GRM8: variants seen among roughly 807,000 people sequenced by gnomAD.
GRM8 encodes the protein metabotropic glutamate receptor 8.
In GRM8, 47 loss-of-function variants were observed where a neutral mutation model predicts 87.2. The observed-to-expected ratio is 0.54, with a 90% confidence interval of 0.43 to 0.69. GRM8 has a LOEUF of 0.69. GRM8 is among the 30% of genes least tolerant of loss of function. The pLI, the probability that GRM8 is intolerant of heterozygous loss-of-function variation, is 0.00. For synonymous variants in GRM8, 396 were observed against 404.5 expected (o/e 0.98, Z 0.25); for missense variants, 1,019 against 1,139.2 (o/e 0.89, Z 1.52).
chr7:126,663,136 T>C (rs1393454366), intron 7 of GRM8, among the ~76,000 whole-genome samples: 1 of 152,176 alleles, frequency 6.6e-6, no homozygotes, highest in Admixed American at 6.5e-5. Flanking sequence ...CAATATCAAG[T>C]TCCAAAGTTG....
intron 7 of GRM8, among the ~76,000 whole-genome samples, chr7:126,720,883 C>G (rs1812323252): frequency 6.6e-6 from 1 of 152,184 alleles, no homozygotes; most frequent in African/African-American, 2.4e-5. Context: ...TGGGGAGACT[C>G]AGAGCTTTCA....
chr7:126,579,129 T>C (rs1795377128), intron 8 of GRM8, among the ~76,000 whole-genome samples: 1 of 152,162 alleles, frequency 6.6e-6, no homozygotes. Flanking sequence ...ACACAAAAGT[T>C]AGAGAAAACA....
At chr7:126,617,154 A>G (rs979674637) in intron 7 of GRM8, among the ~76,000 whole-genome samples, 1 of 152,254 alleles carries the variant, frequency 6.6e-6, no homozygotes, top group African/African-American at 2.4e-5. Context: ...CAAATCCAGA[A>G]GCACATCAAA....
chr7:126,501,394 A>G (rs1809624032), intron 9 of GRM8, among the ~76,000 whole-genome samples: 3 of 152,024 alleles, frequency 2.0e-5, no homozygotes, highest in Admixed American at 6.6e-5. Context: ...TGTTCATCAC[A>G]TATCAGACTA....
chr7:126,664,551 G>C (rs1805555704), intron 7 of GRM8, among the ~76,000 whole-genome samples: 1 of 152,120 alleles, frequency 6.6e-6, no homozygotes, highest in Non-Finnish European at 1.5e-5. Context: ...ATATGGTCCT[G>C]GGATAACTGG....
At position 126,624,368 on chromosome 7, in the gene GRM8, C is replaced by T. The variant is rs552124196; in HGVS notation, c.1358-14870G>A. Among the ~76,000 whole-genome samples the T allele has an allele frequency of 3.3e-5, 5 of 152,212 alleles. No individual in the cohort carries two copies. In the South Asian group the frequency reaches 8.3e-4, roughly 25 times the overall value. On this transcript the variant is annotated intron_variant, in intron 7 of 10. Coordinates refer to ENST00000339582, the MANE Select transcript of GRM8 (RefSeq NM_000845.3). The stretch of plus-strand genomic sequence containing the variant: ...TGTTTTCTCTTCCCAGTGTTCTTCC[C>T]GACTTGATCTTCTGACTGGCTTCTT...
At position 126,805,274 on chromosome 7, in the gene GRM8, C is replaced by T. The variant is rs1792557867; in HGVS notation, c.1157-35209G>A. ...TCCCCCAAACCCATCACATAAGATG[C>T]CCCACCTCTGGTTAGCCTACCTTCA... On this transcript the variant is annotated intron_variant, in intron 6 of 10. Transcript: ENST00000339582. Among the ~76,000 whole-genome samples, 3 of 152,160 alleles carry T rather than the reference C, an allele frequency of 2.0e-5. No homozygotes were observed. In the South Asian group the frequency reaches 6.2e-4, roughly 32 times the overall value.
At chr7:127,189,642 T>C (rs1052063141) in intron 2 of GRM8, among the ~76,000 whole-genome samples, 2 of 151,530 alleles carry the variant, frequency 1.3e-5, no homozygotes, top group Non-Finnish European at 1.5e-5. Flanking sequence ...AAGGAAAAAA[T>C]AGAAACAAAG....
intron 9 of GRM8, among the ~76,000 whole-genome samples, chr7:126,459,401 A>C (rs897837045): frequency 8.8e-6 from 1 of 114,172 alleles, no homozygotes; most frequent in African/African-American, 3.4e-5. Context: ...CAAGGAAAAC[A>C]AGGAAAGTAT....
chr7:127,132,351 A>G (rs1827733652), intron 2 of GRM8, among the ~76,000 whole-genome samples: 1 of 152,140 alleles, frequency 6.6e-6, no homozygotes, highest in Admixed American at 6.5e-5. Flanking sequence ...AGTTACTTTT[A>G]TTGCATTTTG....
intron 6 of GRM8, among the ~76,000 whole-genome samples, chr7:126,881,135 T>G (rs2535932): frequency 6.6e-6 from 1 of 151,798 alleles, no homozygotes; most frequent in East Asian, 1.9e-4. Context: ...GAAAAAAAAA[T>G]AGAATTCATC....
chr7:126,862,960 A>T (rs940088107), intron 6 of GRM8, among the ~76,000 whole-genome samples: 1 of 151,958 alleles, frequency 6.6e-6, no homozygotes, highest in African/African-American at 2.4e-5. Context: ...CTATTGTATT[A>T]CTTTGTGCTT....
chr7:126,965,114 C>A (rs1466646325), intron 3 of GRM8, among the ~76,000 whole-genome samples: 1 of 152,006 alleles, frequency 6.6e-6, no homozygotes, highest in Non-Finnish European at 1.5e-5. Flanking sequence ...ACAATGAGAA[C>A]ACATGGACAC....
chr7:126,804,103 T>C (rs1266043807), intron 6 of GRM8, among the ~76,000 whole-genome samples: 4 of 152,232 alleles, frequency 2.6e-5, no homozygotes, highest in Non-Finnish European at 4.4e-5. Context: ...TAAAACTGAT[T>C]TCAATCTCCT....
At chr7:127,187,981 G>GC (rs1320871897) in intron 2 of GRM8, among the ~76,000 whole-genome samples, 4 of 152,036 alleles carry the variant, frequency 2.6e-5, no homozygotes, top group African/African-American at 9.7e-5. Flanking sequence ...TTTGTGGTTG[G>GC]CCCCTTGCTG....
At chr7:127,206,773 CCT>C (rs1308014199) in intron 2 of GRM8, among the ~76,000 whole-genome samples, 1 of 152,178 alleles carries the variant, frequency 6.6e-6, no homozygotes, top group African/African-American at 2.4e-5. Context: ...CTTCATAAAT[CCT>C]CTGTGCAAAA....
intron 7 of GRM8, among the ~76,000 whole-genome samples, chr7:126,704,394 T>C (rs938789985): frequency 1.3e-5 from 2 of 152,140 alleles, no homozygotes; most frequent in Admixed American, 1.3e-4. Context: ...CCTGTGATGA[T>C]TGTGTTAACT....
rs1441488927 is a variant in GRM8, at chr7:127,171,804, G to A, written c.511-65092C>T. ...CAAACCCACAACATCCCCAAGGTAT[G>A]CCTGTATATATTATAATCTACAAGT... On this transcript the variant is annotated intron_variant, in intron 2 of 10. Transcript: ENST00000339582. 2.0e-5 allele frequency among the ~76,000 whole-genome samples: 3 copies of A among 152,234 alleles called. No homozygotes were observed. In the East Asian group the frequency reaches 5.8e-4, roughly 29 times the overall value.
chr7:126,921,643 G>A (rs543658233), intron 3 of GRM8, among the ~76,000 whole-genome samples: 5 of 152,236 alleles, frequency 3.3e-5, no homozygotes, highest in African/African-American at 1.2e-4. Context: ...ATAATGTGAA[G>A]TCAGAAGAAA....
Sources: gnomAD v4.1 joint callset for allele counts (sites outside exome capture counted in the v4.1 genomes callset) on GRCh38, gnomAD v4.1.1 for gene constraint, MANE v1.5 for transcripts, NCBI Gene and HGNC (gene_info 2026-07-23, HGNC 2026-07-21) for gene names.